ZBTB7C: variants seen among roughly 807,000 people sequenced by gnomAD.
ZBTB7C encodes zinc finger and BTB domain-containing protein 7C.
ZBTB7C carries 8 observed loss-of-function variants against 25.7 expected under a neutral mutation model. The ratio of observed to expected loss-of-function variants is 0.31; its 90% CI spans 0.18 to 0.56. The LOEUF is 0.56. Among genes scored for constraint, ZBTB7C ranks in the 20% least tolerant of loss-of-function variants. ZBTB7C has a pLI of 0.91. For synonymous variants in ZBTB7C, 394 were observed against 369.0 expected, an observed-to-expected ratio of 1.07 and a Z score of -0.78; for missense variants, 824 against 855.2, an observed-to-expected ratio of 0.96 and a Z score of 0.46.
At chr18:48,254,240 C>A (rs2043956496) in intron 2 of ZBTB7C, among the ~76,000 whole-genome samples, 1 of 152,204 alleles carries the variant, frequency 6.6e-6, no homozygotes. Context: ...TGAATGCCGG[C>A]AGCAAAATAC....
At chr18:48,225,943 A>G (rs11082663) in intron 2 of ZBTB7C, among the ~76,000 whole-genome samples, 64,184 of 152,016 alleles carry the variant, frequency 0.42, 14,653 homozygotes, top group South Asian at 0.53. Flanking sequence ...GGGTTTCACC[A>G]TGTTGGGCAG....
intron 3 of ZBTB7C, among the ~76,000 whole-genome samples, chr18:48,047,577 C>T (rs1396400635): frequency 2.0e-5 from 3 of 152,146 alleles, no homozygotes; most frequent in Admixed American, 6.5e-5. Context: ...GAGGACATCC[C>T]CTGGGCCTCT....
intron 2 of ZBTB7C, among the ~76,000 whole-genome samples, chr18:48,245,417 T>C (rs2144389835): frequency 6.8e-6 from 1 of 146,186 alleles, no homozygotes; most frequent in East Asian, 2.0e-4. Context: ...AAATCACCAC[T>C]AAAGATCTTA....
At chr18:48,129,508 C>G (rs2039919592) in intron 3 of ZBTB7C, among the ~76,000 whole-genome samples, 1 of 152,160 alleles carries the variant, frequency 6.6e-6, no homozygotes, top group South Asian at 2.1e-4. Context: ...AATTTCTACT[C>G]CTCTGCAGGT....
intron 3 of ZBTB7C, among the ~76,000 whole-genome samples, chr18:48,090,465 C>T (rs977125393): frequency 3.3e-5 from 5 of 152,230 alleles, no homozygotes; most frequent in African/African-American, 1.2e-4. Context: ...GCCTTATAGA[C>T]AAGCAAGGCA....
At chr18:48,268,546 T>C (rs2044380369) in intron 2 of ZBTB7C, among the ~76,000 whole-genome samples, 1 of 151,798 alleles carries the variant, frequency 6.6e-6, no homozygotes, top group African/African-American at 2.4e-5. Flanking sequence ...ATATCAAGGG[T>C]GAGGGATGAT....
At chr18:48,195,129 G>T (rs2042288108) in intron 2 of ZBTB7C, among the ~76,000 whole-genome samples, 1 of 152,180 alleles carries the variant, frequency 6.6e-6, no homozygotes, top group East Asian at 1.9e-4. Context: ...CTACCTGAAA[G>T]ATTTTAACCT....
chr18:48,043,315 G>T (rs979460684), intron 3 of ZBTB7C, among the ~76,000 whole-genome samples: 1 of 152,214 alleles, frequency 6.6e-6, no homozygotes, highest in African/African-American at 2.4e-5. Context: ...GTGCACGATA[G>T]TGAGTAACTG....
At chr18:48,089,405 G>A (rs1294742043) in intron 3 of ZBTB7C, among the ~76,000 whole-genome samples, 1 of 151,814 alleles carries the variant, frequency 6.6e-6, no homozygotes, top group Non-Finnish European at 1.5e-5. Context: ...CCGGGAGGCG[G>A]AGGGTGCAGA....
chr18:48,343,388 C>G (rs1011579917), intron 1 of ZBTB7C, among the ~76,000 whole-genome samples: 6 of 152,138 alleles, frequency 3.9e-5, no homozygotes, highest in Non-Finnish European at 7.3e-5. Context: ...CCTGCCTCAT[C>G]TATAACATAG....
At chr18:48,128,623 A>C (rs1383011531) in intron 3 of ZBTB7C, among the ~76,000 whole-genome samples, 1 of 152,218 alleles carries the variant, frequency 6.6e-6, no homozygotes, top group East Asian at 1.9e-4. Context: ...CAAATTCTGT[A>C]TGTTCTCACT....
At chr18:48,053,009 A>C (rs2036757661) in intron 3 of ZBTB7C, among the ~76,000 whole-genome samples, 1 of 152,120 alleles carries the variant, frequency 6.6e-6, no homozygotes, top group Non-Finnish European at 1.5e-5. Flanking sequence ...GACCCTGCCA[A>C]GTTACACAGG....
At chr18:48,060,618 C>T (rs1267577359) in intron 3 of ZBTB7C, among the ~76,000 whole-genome samples, 3 of 152,194 alleles carry the variant, frequency 2.0e-5, no homozygotes, top group Non-Finnish European at 4.4e-5. Context: ...AACCTCCTCA[C>T]CCTACCCCAC....
chr18:48,118,001 CTTT>C (rs11358230), intron 3 of ZBTB7C, among the ~76,000 whole-genome samples: 17 of 128,458 alleles, frequency 1.3e-4, no homozygotes, highest in South Asian at 5.1e-4. Context: ...TCTTCTTCTT[CTTT>C]TTTTTTTTTT....
chr18:48,250,092 C>G (rs2144422692), intron 2 of ZBTB7C, among the ~76,000 whole-genome samples: 1 of 152,304 alleles, frequency 6.6e-6, no homozygotes, highest in African/African-American at 2.4e-5. Flanking sequence ...CTCAGCCACC[C>G]TCTAAAACCC....
intron 2 of ZBTB7C, among the ~76,000 whole-genome samples, chr18:48,249,499 C>CA (rs1224530484): frequency 6.6e-6 from 1 of 152,084 alleles, no homozygotes; most frequent in African/African-American, 2.4e-5. Context: ...AGGCAGAATA[C>CA]AAAATAGTAG....
chr18:48,296,460 T>C (rs1315521940), intron 2 of ZBTB7C, among the ~76,000 whole-genome samples: 1 of 152,256 alleles, frequency 6.6e-6, no homozygotes, highest in Non-Finnish European at 1.5e-5. Flanking sequence ...TCCTTTAAGA[T>C]GTCTCCTTTT....
chr18:48,031,852 T>C (rs564227424), intron 4 of ZBTB7C, among the ~76,000 whole-genome samples: 6 of 152,254 alleles, frequency 3.9e-5, no homozygotes, highest in African/African-American at 9.6e-5. Context: ...CAAGGCCTCT[T>C]TTCTCACCAC....
intron 1 of ZBTB7C, among the ~76,000 whole-genome samples, chr18:48,381,306 C>A (rs1000805911): frequency 2.0e-5 from 3 of 152,070 alleles, no homozygotes; most frequent in African/African-American, 4.8e-5. Context: ...TAGCTATGCA[C>A]CAGGCACAGG....
Sources: allele counts gnomAD v4.1 joint callset (sites outside exome capture counted in the v4.1 genomes callset), GRCh38; gene constraint gnomAD v4.1.1; transcripts MANE v1.5; gene names NCBI Gene and HGNC (gene_info 2026-07-23, HGNC 2026-07-21).